Variants in LRRIQ1 observed in about 807,000 individuals in gnomAD.
LRRIQ1 encodes leucine rich repeats and IQ motif containing 1, also known as leucine-rich repeat- and IQ domain-containing protein 1.
In LRRIQ1, 210 loss-of-function variants were observed where a neutral mutation model predicts 211.9. The observed-to-expected ratio is 0.99, with a 90% CI of 0.89 to 1.11. The LOEUF (loss-of-function observed/expected upper bound fraction) is 1.11. Among genes scored for constraint, LRRIQ1 ranks in the 50% most tolerant of loss-of-function variants. The probability of loss-of-function intolerance (pLI) is 0.00; values close to 1 mark genes in which losing one functional copy is unlikely to be tolerated. For missense variants in LRRIQ1, 2,136 were observed against 1,939.5 expected, an observed-to-expected ratio of 1.10 and a Z score of -1.90; for synonymous variants, 699 against 650.1, an observed-to-expected ratio of 1.08 and a Z score of -1.14.
chr12:85,174,646 GA>G (rs1480424249), intron 24 of LRRIQ1, among the ~76,000 whole-genome samples: 1 of 127,142 alleles, frequency 7.9e-6, no homozygotes, highest in Non-Finnish European at 1.6e-5. Context: ...AAGCTGTAGT[GA>G]ACCAAGATCA....
chr12:85,156,659 A>G (rs529322790), intron 23 of LRRIQ1, among the ~76,000 whole-genome samples: 1 of 152,018 alleles, frequency 6.6e-6, no homozygotes, highest in African/African-American at 2.4e-5. Context: ...TTAAATATCT[A>G]AATTTGGTTA....
chr12:85,167,308 T>C (rs1325957886), intron 24 of LRRIQ1, among the ~76,000 whole-genome samples: 2 of 152,132 alleles, frequency 1.3e-5, no homozygotes, highest in African/African-American at 4.8e-5. Context: ...GGGAATTTAT[T>C]AAAAAGTATT....
At chr12:85,041,767 G>A (rs918662518) in intron 3 of LRRIQ1, among the ~76,000 whole-genome samples, 1 of 151,800 alleles carries the variant, frequency 6.6e-6, no homozygotes, top group Non-Finnish European at 1.5e-5. Flanking sequence ...TCTGTTGACT[G>A]TGTAGAGAAT....
At position 85,062,297 on chromosome 12, in the gene LRRIQ1, C is replaced by T. The variant is rs149440807; in HGVS notation, c.2392-2965C>T. ...GTTTGGAGCATGATTGAACCTGTCACCCAGGTAGTGAGCATAGTACCCAGT... is the reference window on the plus strand; with the variant it reads ...GTTTGGAGCATGATTGAACCTGTCATCCAGGTAGTGAGCATAGTACCCAGT... On this transcript the variant is annotated intron_variant, in intron 8 of 26. Transcript: ENST00000393217. Among the ~76,000 whole-genome samples the T allele has an allele frequency of 3.3e-5, 5 of 151,858 alleles. No individual in the cohort carries two copies. In the East Asian group the frequency reaches 7.8e-4, roughly 24 times the overall value.
chr12:85,194,227 G>A (rs1333301803), intron 24 of LRRIQ1, among the ~76,000 whole-genome samples: 143 of 125,240 alleles, frequency 1.1e-3, no homozygotes, highest in Admixed American at 1.8e-3. Context: ...AATAATGGGA[G>A]ACTTTAACAC....
intron 18 of LRRIQ1, among the ~76,000 whole-genome samples, chr12:85,130,409 T>A (rs1274232958): frequency 6.6e-6 from 1 of 152,182 alleles, no homozygotes; most frequent in Non-Finnish European, 1.5e-5. Flanking sequence ...AACAATACAT[T>A]TTTCAGCATT....
At chr12:85,129,108 C>T (rs1888579894) in intron 18 of LRRIQ1, among the ~76,000 whole-genome samples, 1 of 152,150 alleles carries the variant, frequency 6.6e-6, no homozygotes, top group Non-Finnish European at 1.5e-5. Flanking sequence ...ACCAATTGGT[C>T]CCCACAGGCA....
chr12:85,162,728 G>A, intron 24 of LRRIQ1: 1 of 455,468 alleles, frequency 2.2e-6, no homozygotes, highest in East Asian at 7.0e-5. Context: ...GCTTTACGAT[G>A]TGATGTTCTA....
At chr12:85,120,624 T>G (rs1470928487) in intron 15 of LRRIQ1, among the ~76,000 whole-genome samples, 1 of 152,246 alleles carries the variant, frequency 6.6e-6, no homozygotes, top group African/African-American at 2.4e-5. Context: ...AGGGAATAAC[T>G]TATATCTGGA....
At chr12:85,127,723 T>C in intron 17 of LRRIQ1, 109 bp from the exon 18 acceptor site, 2 of 839,550 alleles carry the variant, frequency 2.4e-6, no homozygotes, top group South Asian at 3.6e-5. Flanking sequence ...TTTTAAATAA[T>C]ACTTTATGTG....
At chr12:85,152,060 T>G (rs1890280138) in intron 19 of LRRIQ1, among the ~76,000 whole-genome samples, 1 of 151,734 alleles carries the variant, frequency 6.6e-6, no homozygotes, top group African/African-American at 2.4e-5. Context: ...ATATCAAGTT[T>G]TCACTTTATC....
chr12:85,236,776 A>G (rs1384882675), intron 26 of LRRIQ1, among the ~76,000 whole-genome samples: 1 of 145,818 alleles, frequency 6.9e-6, no homozygotes, highest in East Asian at 2.0e-4. Context: ...ATTTCTGGAT[A>G]TATGTATCTT....
At chr12:85,209,475 A>G (rs1333686619) in intron 24 of LRRIQ1, among the ~76,000 whole-genome samples, 2 of 152,234 alleles carry the variant, frequency 1.3e-5, no homozygotes, top group East Asian at 3.8e-4. Flanking sequence ...TATGGGAACT[A>G]CAATTCAAGA....
At chr12:85,102,958 A>AT (rs1565834170) in intron 13 of LRRIQ1, among the ~76,000 whole-genome samples, 175 of 118,318 alleles carry the variant, frequency 1.5e-3, no homozygotes, top group Middle Eastern at 4.3e-3. Context: ...AAAAAAAAAA[A>AT]AATATATATA....
chr12:85,227,641 T>A (rs1894727886), intron 24 of LRRIQ1, among the ~76,000 whole-genome samples: 1 of 152,124 alleles, frequency 6.6e-6, no homozygotes, highest in South Asian at 2.1e-4. Context: ...AAGCTACCAA[T>A]GACTTTCTTC....
At position 85,218,450 on chromosome 12, in the gene LRRIQ1, C is replaced by T. The variant is rs375097966; in HGVS notation, c.4823-11067C>T. Among the ~76,000 whole-genome samples, 5 of 152,102 alleles carry T rather than the reference C, an allele frequency of 3.3e-5. No individual in the cohort carries two copies. The South Asian group carries it at 8.3e-4, about 25-fold the overall frequency. ...GCTAGTAAATCCTTACTATATGTTA[C>T]GTACTCTGTGTTCATTCTATGTTAT... On this transcript the variant is annotated intron_variant, in intron 24 of 26. Transcript: ENST00000393217.
chr12:85,224,969 A>G (rs955342585), intron 24 of LRRIQ1, among the ~76,000 whole-genome samples: 1 of 152,126 alleles, frequency 6.6e-6, no homozygotes, highest in Non-Finnish European at 1.5e-5. Flanking sequence ...TCAGTTTTCT[A>G]TTACATATAA....
At chr12:85,156,666 G>A (rs1005480655) in intron 23 of LRRIQ1, among the ~76,000 whole-genome samples, 3 of 151,566 alleles carry the variant, frequency 2.0e-5, no homozygotes, top group African/African-American at 7.3e-5. Context: ...TCTAAATTTG[G>A]TTAAACACTG....
rs796918399 is a variant in LRRIQ1, at chr12:85,042,189, A to C, written c.244+1588A>C. 5.3e-5 allele frequency among the ~76,000 whole-genome samples: 8 copies of C among 151,896 alleles called. No homozygotes were observed. In the East Asian group the frequency reaches 1.5e-3, roughly 29 times the overall value. The stretch of plus-strand genomic sequence containing the variant: ...TAGTTACATGAACTGAGATACAACT[A>C]CAGTTACAGCAGTGGTTTAGAAAAT... On this transcript the variant is annotated intron_variant, in intron 3 of 26. Coordinates refer to ENST00000393217, the MANE Select transcript of LRRIQ1 (RefSeq NM_001079910.2).
Sources: gnomAD v4.1 joint callset for allele counts (sites outside exome capture counted in the v4.1 genomes callset) on GRCh38, gnomAD v4.1.1 for gene constraint, MANE v1.5 for transcripts, NCBI Gene and HGNC (gene_info 2026-07-23, HGNC 2026-07-21) for gene names.